The following CNTNAP2 variants were observed in gnomAD, a reference collection of about 807,000 sequenced individuals.
CNTNAP2 encodes contactin associated protein 2.
In CNTNAP2, 98 loss-of-function variants were observed where a neutral mutation model predicts 155.2. That is an observed-to-expected ratio of 0.63 (90% confidence interval 0.54 to 0.75). CNTNAP2 has a LOEUF of 0.75. CNTNAP2 is among the 30% of genes least tolerant of loss of function. The pLI is 0.00. For synonymous variants in CNTNAP2, 651 were observed against 631.2 expected (o/e 1.03, Z -0.47); for missense variants, 1,727 against 1,688.1 (o/e 1.02, Z -0.40).
At chr7:146,726,639 A>T (rs1801436142) in intron 1 of CNTNAP2, among the ~76,000 whole-genome samples, 1 of 152,204 alleles carries the variant, frequency 6.6e-6, no homozygotes, top group African/African-American at 2.4e-5. Flanking sequence ...TTACTCAGCC[A>T]TGCAATTAAA....
chr7:148,017,995 C>T (rs757289902), intron 15 of CNTNAP2, among the ~76,000 whole-genome samples: 4 of 152,204 alleles, frequency 2.6e-5, no homozygotes, highest in Non-Finnish European at 4.4e-5. Context: ...AAACACAAAA[C>T]GCTTTCTGTT....
rs1024012944 is a variant in CNTNAP2, at chr7:147,154,842, G to GA, written c.1348+22343dup. ...TATTTCTCTGATATAGTTTCTGATAGAAAAAAAAAAGAAACAAAAACATAT... is the reference window on the plus strand; with the variant it reads ...TATTTCTCTGATATAGTTTCTGATAGAAAAAAAAAAAGAAACAAAAACATAT... On this transcript the variant is annotated intron_variant, in intron 8 of 23. Coordinates refer to ENST00000361727, the MANE Select transcript of CNTNAP2 (RefSeq NM_014141.6). Among the ~76,000 whole-genome samples, 559 of 146,170 alleles carry GA rather than the reference G, an allele frequency of 3.8e-3. 2 individuals carry two copies. Among genetic ancestry groups the GA allele is most frequent in the African/African-American group, 0.013 (513 of 39,902 alleles).
chr7:147,010,625 C>T (rs1230253425), intron 3 of CNTNAP2, among the ~76,000 whole-genome samples: 6 of 152,102 alleles, frequency 3.9e-5, no homozygotes, highest in Non-Finnish European at 8.8e-5. Context: ...TATTATAACT[C>T]ACTGAATAAA....
At chr7:146,213,229 A>T (rs1201456976) in intron 1 of CNTNAP2, among the ~76,000 whole-genome samples, 1 of 152,200 alleles carries the variant, frequency 6.6e-6, no homozygotes. Flanking sequence ...CTGTTGGCAA[A>T]CCTCAAAATT....
At chr7:146,228,429 G>C (rs1220918429) in intron 1 of CNTNAP2, among the ~76,000 whole-genome samples, 1 of 152,112 alleles carries the variant, frequency 6.6e-6, no homozygotes, top group Non-Finnish European at 1.5e-5. Flanking sequence ...AAATTCTGTA[G>C]AGTTGTATAA....
At chr7:146,886,486 T>G (rs1795664642) in intron 3 of CNTNAP2, among the ~76,000 whole-genome samples, 1 of 152,074 alleles carries the variant, frequency 6.6e-6, no homozygotes, top group Admixed American at 6.6e-5. Flanking sequence ...AGACTACTAA[T>G]CTTTGCCTCA....
At chr7:146,709,604 G>A (rs1054386251) in intron 1 of CNTNAP2, among the ~76,000 whole-genome samples, 1 of 152,168 alleles carries the variant, frequency 6.6e-6, no homozygotes, top group African/African-American at 2.4e-5. Flanking sequence ...TAAGCAGAAA[G>A]GAGAATTCAG....
chr7:146,156,103 T>G (rs945604491), intron 1 of CNTNAP2, among the ~76,000 whole-genome samples: 24 of 152,254 alleles, frequency 1.6e-4, no homozygotes, highest in African/African-American at 5.3e-4. Flanking sequence ...TCTTCCCACA[T>G]CGTCTGGAAC....
intron 14 of CNTNAP2, among the ~76,000 whole-genome samples, chr7:147,909,308 T>C (rs986760613): frequency 1.2e-4 from 19 of 152,206 alleles, no homozygotes; most frequent in African/African-American, 4.6e-4. Context: ...AGCTTATATG[T>C]AAGCTTTAAA....
chr7:147,733,238 G>C (rs1796775834), intron 13 of CNTNAP2, among the ~76,000 whole-genome samples: 1 of 152,182 alleles, frequency 6.6e-6, no homozygotes, highest in Admixed American at 6.5e-5. Context: ...TCCAGTTTCA[G>C]CTTTCTACAT....
chr7:148,254,740 C>A (rs1182962883), intron 20 of CNTNAP2, among the ~76,000 whole-genome samples: 3 of 144,098 alleles, frequency 2.1e-5, no homozygotes, highest in Non-Finnish European at 4.5e-5. Context: ...CGTGCCACTG[C>A]ACTTCAGCCT....
At chr7:147,617,380 C>T (rs1169105244) in intron 12 of CNTNAP2, among the ~76,000 whole-genome samples, 1 of 152,042 alleles carries the variant, frequency 6.6e-6, no homozygotes, top group Non-Finnish European at 1.5e-5. Context: ...TCTTTGTGTC[C>T]CCAGAGCCTG....
intron 1 of CNTNAP2, among the ~76,000 whole-genome samples, chr7:146,449,557 T>C (rs930958107): frequency 6.6e-6 from 1 of 152,152 alleles, no homozygotes; most frequent in Admixed American, 6.5e-5. Flanking sequence ...GGGGCTGCAG[T>C]TCACAGAAAG....
intron 1 of CNTNAP2, among the ~76,000 whole-genome samples, chr7:146,248,536 C>T (rs766254970): frequency 7.2e-5 from 11 of 152,064 alleles, no homozygotes; most frequent in Non-Finnish European, 5.9e-5. Context: ...TCTCCTTTGT[C>T]TCTACCAGAA....
chr7:148,189,621 C>T (rs1220640005), intron 18 of CNTNAP2, among the ~76,000 whole-genome samples: 1 of 152,186 alleles, frequency 6.6e-6, no homozygotes, highest in East Asian at 1.9e-4. Flanking sequence ...CACAAGACGA[C>T]ATCCCCTCGA....
intron 1 of CNTNAP2, among the ~76,000 whole-genome samples, chr7:146,137,422 A>T (rs1178807906): frequency 6.6e-6 from 1 of 152,156 alleles, no homozygotes; most frequent in East Asian, 1.9e-4. Context: ...GCAAGGTGGA[A>T]TATTTGCTTC....
intron 21 of CNTNAP2, among the ~76,000 whole-genome samples, chr7:148,361,349 G>T (rs1798616092): frequency 6.6e-6 from 1 of 152,188 alleles, no homozygotes; most frequent in East Asian, 1.9e-4. Flanking sequence ...TTCAGGGTCT[G>T]TCTTCATCTC....
chr7:147,802,582 C>T (rs921014273), intron 13 of CNTNAP2, among the ~76,000 whole-genome samples: 63 of 152,134 alleles, frequency 4.1e-4, no homozygotes, highest in Non-Finnish European at 8.1e-4. Flanking sequence ...GAGACCAGCC[C>T]GGCCAACACA....
chr7:148,011,150 G>T (rs1042856920), intron 15 of CNTNAP2, among the ~76,000 whole-genome samples: 1 of 151,874 alleles, frequency 6.6e-6, no homozygotes, highest in Non-Finnish European at 1.5e-5. Flanking sequence ...GAAATTATAT[G>T]TATATATATA....
Sources: allele counts gnomAD v4.1 joint callset (sites outside exome capture counted in the v4.1 genomes callset), GRCh38; gene constraint gnomAD v4.1.1; transcripts MANE v1.5; gene names NCBI Gene and HGNC (gene_info 2026-07-23, HGNC 2026-07-21).